Variants in IGF1R observed in about 807,000 individuals in gnomAD.
The protein encoded by IGF1R is insulin-like growth factor 1 receptor.
IGF1R carries 44 observed loss-of-function variants against 144.6 expected under a neutral mutation model. That is an observed-to-expected ratio of 0.30 (90% CI 0.24 to 0.39). The LOEUF is 0.39. Ranked by LOEUF, IGF1R falls within the 10% of genes least tolerant of loss-of-function variation. IGF1R has a pLI of 1.00. For synonymous variants in IGF1R, 795 were observed against 722.8 expected, an observed-to-expected ratio of 1.10 and a Z score of -1.60; for missense variants, 1,355 against 1,833.7, an observed-to-expected ratio of 0.74 and a Z score of 4.77.
intron 20 of IGF1R, chr15:98,952,861 T>C (rs568630415): frequency 1.3e-5 from 2 of 152,298 alleles, no homozygotes; most frequent in South Asian, 2.1e-4. Context: ...TTCTCCCTTC[T>C]AAGAAAATGT....
Position 98,962,108 on chromosome 15 carries a change from T to C in IGF1R, c.*4666T>C. On this transcript the variant is annotated 3_prime_UTR_variant, in exon 21 of 21. Coordinates refer to ENST00000650285, the MANE Select transcript of IGF1R (RefSeq NM_000875.5). The stretch of plus-strand genomic sequence containing the variant: ...CAGCCGAATGGCTTGCCAGTGGCTC[T>C]GTGGCAAGATCACACTGAGATCGAT... 1 of 233,330 alleles carries C rather than the reference T, an allele frequency of 4.3e-6. No individual in the cohort carries two copies. Among genetic ancestry groups the C allele is most frequent in the Non-Finnish European group, 8.5e-6 (1 of 118,068 alleles). The allele number at this position is 233,330 out of a possible 1,614,324, so 14.5% of individuals were successfully genotyped here.
chr15:98,854,615 G>T (rs1013588190), intron 2 of IGF1R, among the ~76,000 whole-genome samples: 2 of 152,066 alleles, frequency 1.3e-5, no homozygotes, highest in Non-Finnish European at 2.9e-5. Flanking sequence ...TTTTTTCCAT[G>T]CCAACAGCCT....
chr15:98,671,945 G>A (rs558381688), intron 1 of IGF1R, among the ~76,000 whole-genome samples: 28 of 152,252 alleles, frequency 1.8e-4, no homozygotes, highest in African/African-American at 6.3e-4. Flanking sequence ...GCGATAAGTC[G>A]AAAGAACTAC....
chr15:98,837,826 A>G (rs1384245336), intron 2 of IGF1R, among the ~76,000 whole-genome samples: 1 of 152,216 alleles, frequency 6.6e-6, no homozygotes, highest in Admixed American at 6.5e-5. Context: ...TTCTCCAGGT[A>G]ACTTTCTGGG....
intron 2 of IGF1R, among the ~76,000 whole-genome samples, chr15:98,772,149 A>G (rs547802416): frequency 3.6e-4 from 55 of 152,288 alleles, no homozygotes; most frequent in South Asian, 1.0e-3. Context: ...TTTATTGACC[A>G]TGTAGCAACT....
intron 2 of IGF1R, among the ~76,000 whole-genome samples, chr15:98,782,342 G>A (rs1313213006): frequency 6.6e-6 from 1 of 152,044 alleles, no homozygotes; most frequent in Non-Finnish European, 1.5e-5. Flanking sequence ...ATCTAAATTT[G>A]TAAATTCTGA....
intron 10 of IGF1R, among the ~76,000 whole-genome samples, chr15:98,919,074 A>C (rs1037052667): frequency 5.3e-5 from 8 of 152,342 alleles, no homozygotes; most frequent in Non-Finnish European, 1.0e-4. Flanking sequence ...GAAAGCAGAA[A>C]GTTTGAGGAC....
chr15:98,878,768 G>A (rs915322773), intron 2 of IGF1R, among the ~76,000 whole-genome samples: 1 of 151,574 alleles, frequency 6.6e-6, no homozygotes, highest in Admixed American at 6.6e-5. Context: ...CAAGTCAGGT[G>A]GATCACAAGG....
intron 2 of IGF1R, among the ~76,000 whole-genome samples, chr15:98,879,308 T>G (rs913097513): frequency 6.6e-6 from 1 of 152,180 alleles, no homozygotes; most frequent in African/African-American, 2.4e-5. Flanking sequence ...GTAAAAGAAG[T>G]AGAAGGCCAA....
At chr15:98,934,722 A>T in intron 15 of IGF1R, 102 bp from the exon 16 acceptor site, 1 of 958,018 alleles carries the variant, frequency 1.0e-6, no homozygotes, top group Non-Finnish European at 1.7e-6. Context: ...CTGTGGGTTT[A>T]AGGAAGCAGC....
At chr15:98,655,226 G>C (rs576808089) in intron 1 of IGF1R, among the ~76,000 whole-genome samples, 1 of 152,282 alleles carries the variant, frequency 6.6e-6, no homozygotes, top group South Asian at 2.1e-4. Context: ...CTCAAGAGAA[G>C]CATACTTCCT....
At chr15:98,663,499 G>A (rs2052648872) in intron 1 of IGF1R, among the ~76,000 whole-genome samples, 1 of 152,244 alleles carries the variant, frequency 6.6e-6, no homozygotes, top group African/African-American at 2.4e-5. Flanking sequence ...ATACCTGGTA[G>A]CATCAAGGGC....
rs1051773691 is a variant in IGF1R at position 98,765,795 on chromosome 15, A to T, written c.640+57688A>T. 5.3e-5 allele frequency among the ~76,000 whole-genome samples: 8 copies of T among 152,156 alleles called. No homozygotes were observed. In the South Asian group the frequency reaches 8.3e-4, roughly 16 times the overall value. On this transcript the variant is annotated intron_variant, in intron 2 of 20. Coordinates refer to ENST00000650285, the MANE Select transcript of IGF1R (RefSeq NM_000875.5). ...TGTAGAAATTCTCCCCCATGATTGCACAACCCACTCCTTCTCAGCCAGTGT... is the reference window on the plus strand; with the variant it reads ...TGTAGAAATTCTCCCCCATGATTGCTCAACCCACTCCTTCTCAGCCAGTGT...
At chr15:98,923,747 C>T in intron 11 of IGF1R, 129 bp from the exon 12 acceptor site, 1 of 771,502 alleles carries the variant, frequency 1.3e-6, no homozygotes, top group East Asian at 2.5e-5. Context: ...GGGCGTTATT[C>T]TCAGTGTACG....
chr15:98,806,749 G>A (rs1034898730), intron 2 of IGF1R, among the ~76,000 whole-genome samples: 3 of 152,280 alleles, frequency 2.0e-5, no homozygotes, highest in Admixed American at 2.0e-4. Flanking sequence ...ATTAGTAAGA[G>A]GGATATAGCC....
At chr15:98,733,283 T>C (rs2054536551) in intron 2 of IGF1R, among the ~76,000 whole-genome samples, 1 of 152,090 alleles carries the variant, frequency 6.6e-6, no homozygotes. Context: ...GAGGCAATCA[T>C]GGCTTATTGC....
chr15:98,803,361 A>C (rs190560462), intron 2 of IGF1R, among the ~76,000 whole-genome samples: 26 of 152,216 alleles, frequency 1.7e-4, no homozygotes, highest in African/African-American at 6.3e-4. Flanking sequence ...AAAATGGTAC[A>C]CCTGTATAGG....
intron 2 of IGF1R, among the ~76,000 whole-genome samples, chr15:98,709,359 A>G (rs1377812348): frequency 1.3e-5 from 2 of 152,218 alleles, no homozygotes; most frequent in East Asian, 3.8e-4. Flanking sequence ...TCTATTCTGC[A>G]GAATTGGATC....
chr15:98,878,720 C>T (rs1022827844), intron 2 of IGF1R, among the ~76,000 whole-genome samples: 7 of 145,696 alleles, frequency 4.8e-5, no homozygotes, highest in South Asian at 2.2e-4. Flanking sequence ...AGGCCAGGCA[C>T]GGTGGCTCAG....
Sources: gnomAD v4.1 joint callset for allele counts (sites outside exome capture counted in the v4.1 genomes callset) on GRCh38, gnomAD v4.1.1 for gene constraint, MANE v1.5 for transcripts, NCBI Gene and HGNC (gene_info 2026-07-23, HGNC 2026-07-21) for gene names.